Variants in NFIA observed in about 807,000 individuals in gnomAD.
NFIA encodes the protein nuclear factor 1 A-type.
NFIA carries 8 observed loss-of-function variants against 62.8 expected under a neutral mutation model. The ratio of observed to expected loss-of-function variants is 0.13; its 90% confidence interval spans 0.07 to 0.23. The LOEUF is 0.23. Ranked by LOEUF, NFIA falls within the 10% of genes least tolerant of loss-of-function variation. The probability of loss-of-function intolerance (pLI) is 1.00; values close to 1 mark genes in which losing one functional copy is unlikely to be tolerated. For missense variants in NFIA, 410 were observed against 642.1 expected (o/e 0.64, Z 3.91); for synonymous variants, 235 against 238.1 (o/e 0.99, Z 0.12).
intron 10 of NFIA, among the ~76,000 whole-genome samples, chr1:61,453,096 A>C (rs1399614074): frequency 6.6e-6 from 1 of 152,116 alleles, no homozygotes; most frequent in African/African-American, 2.4e-5. Context: ...AATATACAAC[A>C]ATGTTGGTTT....
intron 3 of NFIA, among the ~76,000 whole-genome samples, chr1:61,292,145 T>A (rs548208331): frequency 1.2e-4 from 19 of 152,242 alleles, no homozygotes; most frequent in African/African-American, 4.6e-4. Context: ...AATAAACTTA[T>A]CGTTTTTCAA....
chr1:61,281,864 T>G (rs1219245912), intron 3 of NFIA, among the ~76,000 whole-genome samples: 1 of 152,212 alleles, frequency 6.6e-6, no homozygotes, highest in Non-Finnish European at 1.5e-5. Flanking sequence ...TTGAACTTAA[T>G]GGGTACCTAG....
At chr1:61,325,000 C>G (rs1660856190) in intron 3 of NFIA, among the ~76,000 whole-genome samples, 1 of 152,204 alleles carries the variant, frequency 6.6e-6, no homozygotes. Context: ...GAAAAAGGAT[C>G]TGCTCCTCAT....
At chr1:61,327,701 T>C (rs1183664224) in intron 3 of NFIA, among the ~76,000 whole-genome samples, 2 of 152,190 alleles carry the variant, frequency 1.3e-5, no homozygotes, top group African/African-American at 4.8e-5. Context: ...TCTTTGCAAA[T>C]GTGATTTGTG....
intron 4 of NFIA, among the ~76,000 whole-genome samples, chr1:61,339,816 C>G (rs1027357685): frequency 6.6e-6 from 1 of 152,134 alleles, no homozygotes; most frequent in African/African-American, 2.4e-5. Context: ...ACCCTCCTCA[C>G]CTAATGAAGC....
chr1:61,401,473 G>A (rs890367776), intron 7 of NFIA, among the ~76,000 whole-genome samples: 8 of 152,122 alleles, frequency 5.3e-5, no homozygotes, highest in African/African-American at 1.9e-4. Flanking sequence ...AGTTAATGAG[G>A]AGATGACAGG....
At chr1:61,419,765 T>C (rs1472042596) in intron 9 of NFIA, among the ~76,000 whole-genome samples, 10 of 152,204 alleles carry the variant, frequency 6.6e-5, no homozygotes, top group Non-Finnish European at 1.3e-4. Flanking sequence ...TGCAAATAGT[T>C]AGCATACACG....
chr1:61,105,549 G>C (rs1356506306), intron 2 of NFIA, among the ~76,000 whole-genome samples: 1 of 151,818 alleles, frequency 6.6e-6, no homozygotes. Flanking sequence ...TTTCTTGTTT[G>C]ATGTTGCTAG....
chr1:61,082,154 T>G (rs899675839), upstream of NFIA: 1 of 607,536 alleles, frequency 1.6e-6, no homozygotes, highest in Non-Finnish European at 2.4e-6. Flanking sequence ...GAGTACAGAC[T>G]GTAACTGCTC....
chr1:61,450,204 T>G (rs1484926269), intron 10 of NFIA, among the ~76,000 whole-genome samples: 3 of 152,208 alleles, frequency 2.0e-5, no homozygotes, highest in East Asian at 3.9e-4. Flanking sequence ...ACATAGCACC[T>G]AGCACATAGA....
At chr1:61,277,680 T>A in intron 3 of NFIA, 95 bp downstream of exon 3, 1 of 1,170,770 alleles carries the variant, frequency 8.5e-7, no homozygotes, top group Non-Finnish European at 1.3e-6. Context: ...ACCCTATAAG[T>A]AGCCCACAGT....
intron 3 of NFIA, among the ~76,000 whole-genome samples, chr1:61,301,139 G>A (rs996185541): frequency 3.3e-5 from 5 of 151,566 alleles, no homozygotes; most frequent in Non-Finnish European, 2.9e-5. Context: ...AATTTCTCAC[G>A]TAGAACTTCA....
chr1:61,095,430 T>G (rs1377458363), intron 2 of NFIA, among the ~76,000 whole-genome samples: 1 of 152,218 alleles, frequency 6.6e-6, no homozygotes, highest in African/African-American at 2.4e-5. Flanking sequence ...GTCTTCTGAT[T>G]TCAAATCTTA....
chr1:61,450,778 A>C (rs1668021599), intron 10 of NFIA, among the ~76,000 whole-genome samples: 1 of 152,176 alleles, frequency 6.6e-6, no homozygotes, highest in Non-Finnish European at 1.5e-5. Context: ...ATTCTGCTGC[A>C]TCACAGTCCA....
chr1:61,148,529 CTT>C (rs1648173979), intron 2 of NFIA, among the ~76,000 whole-genome samples: 1 of 152,156 alleles, frequency 6.6e-6, no homozygotes, highest in Non-Finnish European at 1.5e-5. Flanking sequence ...TAACATATCT[CTT>C]TGGGTAACAA....
chr1:61,270,384 A>G (rs1051167657), intron 2 of NFIA, among the ~76,000 whole-genome samples: 5 of 132,832 alleles, frequency 3.8e-5, no homozygotes, highest in African/African-American at 1.0e-4. Flanking sequence ...ACTCTTTTCA[A>G]TGGTGGAATA....
At chr1:61,334,555 GTATATATATATATA>G (rs56259392) in intron 4 of NFIA, among the ~76,000 whole-genome samples, 1,376 of 97,462 alleles carry the variant, frequency 0.014, 170 homozygotes, top group East Asian at 0.06. Context: ...GTGTGTGTGT[GTATATATATATATA>G]TATATATATA....
intron 2 of NFIA, among the ~76,000 whole-genome samples, chr1:61,099,647 T>C (rs1013857623): frequency 3.3e-5 from 5 of 152,208 alleles, no homozygotes; most frequent in Non-Finnish European, 7.3e-5. Flanking sequence ...AGATTGTAGA[T>C]GACCTTCGTT....
intron 2 of NFIA, among the ~76,000 whole-genome samples, chr1:61,225,027 T>C (rs556306942): frequency 6.6e-6 from 1 of 152,284 alleles, no homozygotes; most frequent in South Asian, 2.1e-4. Flanking sequence ...AAACAGACTT[T>C]AAAAATATAT....
Sources: gnomAD v4.1 joint callset for allele counts (sites outside exome capture counted in the v4.1 genomes callset) on GRCh38, gnomAD v4.1.1 for gene constraint, MANE v1.5 for transcripts, NCBI Gene and HGNC (gene_info 2026-07-23, HGNC 2026-07-21) for gene names.